The following PIP4P2 variants were observed in gnomAD, a reference collection of about 807,000 sequenced individuals.
PIP4P2 encodes the protein type 2 phosphatidylinositol 4,5-bisphosphate 4-phosphatase.
A neutral mutation model predicts 33.3 loss-of-function variants in PIP4P2; 19 were observed. That is an observed-to-expected ratio of 0.57 (90% CI 0.40 to 0.84). The LOEUF (loss-of-function observed/expected upper bound fraction) is 0.84. Ranked by LOEUF, PIP4P2 falls within the 40% of genes least tolerant of loss-of-function variation. PIP4P2 has a pLI of 0.00. For missense variants in PIP4P2, 270 were observed against 324.7 expected, an observed-to-expected ratio of 0.83 and a Z score of 1.29; for synonymous variants, 110 against 111.9, an observed-to-expected ratio of 0.98 and a Z score of 0.11.
At chr8:91,028,760 G>T (rs1012848932) in intron 1 of PIP4P2, among the ~76,000 whole-genome samples, 1 of 152,162 alleles carries the variant, frequency 6.6e-6, no homozygotes, top group Non-Finnish European at 1.5e-5. Flanking sequence ...AAGATGCAAG[G>T]ATGGTGATAC....
chr8:91,005,540 C>T (rs753200542), intron 5 of PIP4P2, among the ~76,000 whole-genome samples: 1 of 152,180 alleles, frequency 6.6e-6, no homozygotes, highest in African/African-American at 2.4e-5. Context: ...TAACTATTCT[C>T]CCCACTATGC....
chr8:91,030,449 G>A (rs1218198212), intron 1 of PIP4P2, among the ~76,000 whole-genome samples: 1 of 152,090 alleles, frequency 6.6e-6, no homozygotes, highest in Non-Finnish European at 1.5e-5. Context: ...CTAAAAAAAT[G>A]GCTTTGTTAA....
intron 5 of PIP4P2, among the ~76,000 whole-genome samples, chr8:91,003,948 G>T (rs1449615028): frequency 7.2e-6 from 1 of 138,062 alleles, no homozygotes; most frequent in Non-Finnish European, 1.6e-5. Flanking sequence ...GAACCAACAG[G>T]AGATAGATAG....
rs1811743281 is a variant in PIP4P2 at position 91,004,544 on chromosome 8, C to T, written c.539+4199G>A. 2.0e-5 allele frequency among the ~76,000 whole-genome samples: 3 copies of T among 152,216 alleles called. No homozygotes were observed. In the South Asian group the frequency reaches 6.2e-4, roughly 32 times the overall value. ...ATAGTATCAAATGCTACAGAGAAAA[C>T]AAGCAGGATGAGAATCAAAATATGG... On this transcript the variant is annotated intron_variant, in intron 5 of 6. Coordinates refer to ENST00000285419, the MANE Select transcript of PIP4P2 (RefSeq NM_018710.3).
intron 4 of PIP4P2, among the ~76,000 whole-genome samples, chr8:91,017,775 C>T (rs1811938662): frequency 6.6e-6 from 1 of 151,992 alleles, no homozygotes; most frequent in Admixed American, 6.6e-5. Context: ...CTTATCCTTC[C>T]TGACAGGGTA....
rs151324778 is a variant in PIP4P2 at position 91,037,499 on chromosome 8, A to C, written c.106+3145T>G. ...TTAATTTATACTCTCAAGGTATTGC[A>C]TATATTTCCAGCACTGTCTTCATCA... is the stretch of plus-strand genomic sequence containing the variant. On this transcript the variant is annotated intron_variant, in intron 1 of 6. Transcript: ENST00000285419. Among the ~76,000 whole-genome samples, 168 of 152,320 alleles carry C rather than the reference A, an allele frequency of 1.1e-3. 1 individual carries two copies. The highest frequency in any genetic ancestry group is 4.0e-3 in the African/African-American group (166 of 41,570).
chr8:91,000,394 T>C (rs1811685439), intron 5 of PIP4P2, among the ~76,000 whole-genome samples: 1 of 118,024 alleles, frequency 8.5e-6, no homozygotes, highest in South Asian at 3.2e-4. Flanking sequence ...GTTCATCATT[T>C]AGCAGTTTTT....
chr8:91,026,607 A>G (rs1812087225), intron 1 of PIP4P2, among the ~76,000 whole-genome samples: 1 of 152,150 alleles, frequency 6.6e-6, no homozygotes. Context: ...TTTACCTTAC[A>G]GTTACCTAGT....
At chr8:91,037,928 T>C (rs1268459864) in intron 1 of PIP4P2, among the ~76,000 whole-genome samples, 6 of 152,160 alleles carry the variant, frequency 3.9e-5, no homozygotes, top group African/African-American at 1.4e-4. Flanking sequence ...CCAATCTCCT[T>C]TCAGATGAGC....
chr8:90,994,400 T>C lies in PIP4P2; in HGVS notation c.*1277A>G, dbSNP rs1811601195. 1 of 152,122 alleles carries C rather than the reference T, an allele frequency of 6.6e-6. No homozygotes were observed. The highest frequency in any genetic ancestry group is 2.4e-5 in the African/African-American group (1 of 41,454). The allele number at this position is 152,122 out of a possible 1,614,324, so 9.4% of individuals were successfully genotyped here. A position where few individuals can be genotyped will look rare whatever the true frequency, so the allele number is the denominator to read the frequency against. On this transcript the variant is annotated 3_prime_UTR_variant, in exon 7 of 7. Coordinates refer to ENST00000285419, the MANE Select transcript of PIP4P2 (RefSeq NM_018710.3). Reference sequence around the variant, plus strand: ...TGCTTCAAATTCTGTGATGAGTACGTTTTTATACTAATCAGTATCATAAAT... The same window carrying C: ...TGCTTCAAATTCTGTGATGAGTACGCTTTTATACTAATCAGTATCATAAAT...
chr8:91,026,650 T>C (rs954268690), intron 1 of PIP4P2, among the ~76,000 whole-genome samples: 16 of 152,194 alleles, frequency 1.1e-4, no homozygotes, highest in Admixed American at 2.6e-4. Flanking sequence ...TGATTCTTTA[T>C]ATTAAACTCC....
At chr8:91,002,282 G>C (rs772667326) in intron 5 of PIP4P2, among the ~76,000 whole-genome samples, 3 of 152,004 alleles carry the variant, frequency 2.0e-5, no homozygotes, top group East Asian at 1.9e-4. Context: ...ACAGCTAATT[G>C]GTTTTTTATA....
At chr8:91,025,471 C>A (rs957473267) in intron 1 of PIP4P2, among the ~76,000 whole-genome samples, 1 of 152,156 alleles carries the variant, frequency 6.6e-6, no homozygotes, top group African/African-American at 2.4e-5. Context: ...CATCTTTTCT[C>A]AGATATATCC....
intron 4 of PIP4P2, among the ~76,000 whole-genome samples, chr8:91,016,971 C>T (rs1432706173): frequency 6.6e-6 from 1 of 152,148 alleles, no homozygotes; most frequent in African/African-American, 2.4e-5. Flanking sequence ...AAATGTACCA[C>T]ATTGCTTGGT....
At chr8:91,010,730 C>T (rs1453424335) in intron 4 of PIP4P2, among the ~76,000 whole-genome samples, 1 of 151,760 alleles carries the variant, frequency 6.6e-6, no homozygotes, top group Non-Finnish European at 1.5e-5. Context: ...CATCTAAAAT[C>T]TGGCCTCTGG....
At chr8:91,021,660 T>C (rs542370934) in intron 1 of PIP4P2, among the ~76,000 whole-genome samples, 1 of 152,314 alleles carries the variant, frequency 6.6e-6, no homozygotes, top group East Asian at 1.9e-4. Flanking sequence ...AGTTTCCTTT[T>C]ACTAATCTAT....
intron 1 of PIP4P2, 83 bp from the exon 2 acceptor site, chr8:91,021,487 A>C (rs1812008543): frequency 4.9e-6 from 7 of 1,437,830 alleles, no homozygotes; most frequent in Non-Finnish European, 6.5e-6. Flanking sequence ...TAAGTAAAGA[A>C]GAAACAATCA....
chr8:91,037,363 G>A (rs1478395735), intron 1 of PIP4P2, among the ~76,000 whole-genome samples: 1 of 152,006 alleles, frequency 6.6e-6, no homozygotes, highest in African/African-American at 2.4e-5. Context: ...TGCTTTCTTT[G>A]CCTATAATGG....
chr8:91,000,593 C>A (rs1436964787), intron 5 of PIP4P2, among the ~76,000 whole-genome samples: 1 of 151,750 alleles, frequency 6.6e-6, no homozygotes, highest in Non-Finnish European at 1.5e-5. Flanking sequence ...TGTTTTCTGG[C>A]TTCTATTTTT....
Sources: gnomAD v4.1 joint callset for allele counts (sites outside exome capture counted in the v4.1 genomes callset) on GRCh38, gnomAD v4.1.1 for gene constraint, MANE v1.5 for transcripts, NCBI Gene and HGNC (gene_info 2026-07-23, HGNC 2026-07-21) for gene names.